Variants in KLHL29 observed in about 807,000 individuals in gnomAD.
The protein encoded by KLHL29 is kelch like family member 29, also known as kelch-like protein 29.
In KLHL29, 21 loss-of-function variants were observed where a neutral mutation model predicts 80.4. The ratio of observed to expected loss-of-function variants is 0.26; its 90% CI spans 0.19 to 0.38. The LOEUF is 0.38. KLHL29 is among the 10% of genes least tolerant of loss of function. KLHL29 has a pLI of 1.00. For synonymous variants in KLHL29, 511 were observed against 526.8 expected (o/e 0.97, Z 0.41); for missense variants, 867 against 1,223.9 (o/e 0.71, Z 4.35).
intron 1 of KLHL29, among the ~76,000 whole-genome samples, chr2:23,445,388 C>G (rs1013567810): frequency 6.6e-6 from 1 of 152,108 alleles, no homozygotes; most frequent in Non-Finnish European, 1.5e-5. Context: ...TCTTCTTCAC[C>G]CTGCATTGTC....
Position 23,696,870 on chromosome 2 carries a change from T to C in KLHL29, c.2105+357T>C, listed in dbSNP as rs72796130. ...GGCAGTCAGGGAACACCCTGCACCA[T>C]GAGCACCAGCCCAGAGACTGCTGGG... On this transcript the variant is annotated intron_variant, in intron 11 of 13. Coordinates refer to ENST00000486442, the MANE Select transcript of KLHL29 (RefSeq NM_052920.2). This position sits in a 1 kb window ranked among gnomAD's most constrained non-coding sequence, Gnocchi z 5.5. The C allele has an allele frequency of 0.1, 20,241 of 198,144 alleles. 1,212 individuals carry two copies. The highest frequency in any genetic ancestry group is 0.17 in the Middle Eastern group (84 of 482). 12.3% of individuals were successfully genotyped at this position (198,144 alleles called of 1,614,324 possible).
At chr2:23,473,930 A>C (rs1664562798) in intron 1 of KLHL29, among the ~76,000 whole-genome samples, 1 of 152,088 alleles carries the variant, frequency 6.6e-6, no homozygotes, top group Non-Finnish European at 1.5e-5. Context: ...TTAGGGCCAG[A>C]TGCCCACACG....
At chr2:23,461,989 T>TTTTTA (rs1553326615) in intron 1 of KLHL29, among the ~76,000 whole-genome samples, 4 of 150,450 alleles carry the variant, frequency 2.7e-5, no homozygotes, top group South Asian at 4.2e-4. Flanking sequence ...TTTTTTTTTT[T>TTTTTA]AATGACAAAA....
intron 3 of KLHL29, among the ~76,000 whole-genome samples, chr2:23,591,983 C>T (rs1266243372): frequency 2.0e-5 from 3 of 152,258 alleles, no homozygotes; most frequent in Non-Finnish European, 4.4e-5. Flanking sequence ...CAGAGCAGCT[C>T]CCCTTAGGAC....
chr2:23,531,167 G>A (rs1244871484), intron 2 of KLHL29, among the ~76,000 whole-genome samples: 1 of 152,234 alleles, frequency 6.6e-6, no homozygotes, highest in Non-Finnish European at 1.5e-5. Context: ...CTCGTCACCT[G>A]TACAGACAAG....
intron 2 of KLHL29, among the ~76,000 whole-genome samples, chr2:23,483,375 A>G (rs570579515): frequency 1.4e-4 from 21 of 152,368 alleles, no homozygotes; most frequent in African/African-American, 5.0e-4. Flanking sequence ...TATCAGAGCA[A>G]AAATGCTAAG....
chr2:23,572,589 A>T lies in KLHL29; in HGVS notation c.285+10108A>T, dbSNP rs753788828. 6.8e-4 allele frequency among the ~76,000 whole-genome samples: 103 copies of T among 152,310 alleles called. 1 individual carries two copies. Among genetic ancestry groups the T allele is most frequent in the Admixed American group, 1.6e-3 (24 of 15,310 alleles). ...GGATTAATATATATGAATATTTATT[A>T]ATTTATTTAGCCACTATTGTTGGGT... On this transcript the variant is annotated intron_variant, in intron 3 of 13. Transcript: ENST00000486442.
At chr2:23,594,065 CTGAAA>C (rs1668334651) in intron 3 of KLHL29, among the ~76,000 whole-genome samples, 1 of 152,176 alleles carries the variant, frequency 6.6e-6, no homozygotes, top group Non-Finnish European at 1.5e-5. Flanking sequence ...AGTTATGAGA[CTGAAA>C]TGAAAGGCTG....
intron 1 of KLHL29, among the ~76,000 whole-genome samples, chr2:23,472,407 G>A (rs150716921): frequency 3.7e-4 from 57 of 152,226 alleles, no homozygotes; most frequent in African/African-American, 1.3e-3. Context: ...AGGCCGAGGC[G>A]GGCGGATCAC....
In KLHL29 at chr2:23,691,895, T is replaced by C. The variant is rs771321310; in HGVS notation, c.1282+19T>C. ...TTTCTCGGTGAGCCCGGGGGCCACA[T>C]ATGTCGCTTGGGGGGAAGAGTGCAG... is the stretch of plus-strand genomic sequence containing the variant. On this transcript the variant is annotated intron_variant, in intron 7 of 13. Transcript: ENST00000486442. The C allele has an allele frequency of 2.1e-5, 32 of 1,545,288 alleles. No individual in the cohort carries two copies. The African/African-American group carries it at 4.0e-4, about 19-fold the overall frequency.
intron 3 of KLHL29, among the ~76,000 whole-genome samples, chr2:23,615,059 C>T (rs1668968182): frequency 6.6e-6 from 1 of 152,214 alleles, no homozygotes; most frequent in African/African-American, 2.4e-5. Flanking sequence ...ACCTGCGCTT[C>T]CTTTCACAGC....
intron 2 of KLHL29, among the ~76,000 whole-genome samples, chr2:23,559,036 C>G (rs1024467655): frequency 1.2e-4 from 19 of 152,226 alleles, no homozygotes; most frequent in South Asian, 6.2e-4. Flanking sequence ...AGTCTCTCAC[C>G]TGACCCAGAA....
chr2:23,608,253 T>A (rs2103528132), intron 3 of KLHL29, among the ~76,000 whole-genome samples: 1 of 152,354 alleles, frequency 6.6e-6, no homozygotes, highest in South Asian at 2.1e-4. Context: ...AATAACAGCA[T>A]CTGCTGGTGA....
chr2:23,437,919 A>T (rs56015990), intron 1 of KLHL29, among the ~76,000 whole-genome samples: 67,518 of 151,780 alleles, frequency 0.44, 15,777 homozygotes, highest in African/African-American at 0.6. Context: ...CATTTTCGCA[A>T]TATTGATTCT....
At chr2:23,427,249 G>C (rs543508705) in intron 1 of KLHL29, among the ~76,000 whole-genome samples, 1 of 152,146 alleles carries the variant, frequency 6.6e-6, no homozygotes, top group African/African-American at 2.4e-5. Flanking sequence ...TTTTTGCGGC[G>C]TTCTATATTT....
intron 3 of KLHL29, among the ~76,000 whole-genome samples, chr2:23,592,561 C>T (rs1668295649): frequency 6.6e-6 from 1 of 152,240 alleles, no homozygotes; most frequent in African/African-American, 2.4e-5. Context: ...GCAGGCCCTG[C>T]CAGGCTGGCT....
Position 23,639,281 on chromosome 2 carries a change from G to C in KLHL29, c.427+1G>C. 1 of 1,546,156 alleles carries C rather than the reference G, an allele frequency of 6.5e-7. No homozygotes were observed. The highest frequency in any genetic ancestry group is 8.7e-7 in the Non-Finnish European group (1 of 1,144,744). ...CAGATGAGAGAGAGTGACAATCCAG[G>C]TACGTACCTCATCGGCAGATAGAAA... On this transcript the variant is annotated splice_donor_variant, in intron 4 of 13. Transcript: ENST00000486442. LOFTEE classifies it high-confidence loss of function.
intron 3 of KLHL29, among the ~76,000 whole-genome samples, chr2:23,593,078 A>G (rs1668309233): frequency 6.6e-6 from 1 of 152,122 alleles, no homozygotes; most frequent in South Asian, 2.1e-4. Context: ...GTCCTAGATA[A>G]GTTGAAGTAG....
At chr2:23,445,078 T>C (rs1344338332) in intron 1 of KLHL29, among the ~76,000 whole-genome samples, 1 of 152,174 alleles carries the variant, frequency 6.6e-6, no homozygotes, top group African/African-American at 2.4e-5. Flanking sequence ...TTGAATGAAA[T>C]GATATTATTC....
Sources: gnomAD v4.1 joint callset for allele counts (sites outside exome capture counted in the v4.1 genomes callset) on GRCh38, gnomAD v4.1.1 for gene constraint, Gnocchi (gnomAD v3.1) non-coding constraint, MANE v1.5 for transcripts, NCBI Gene and HGNC (gene_info 2026-07-23, HGNC 2026-07-21) for gene names.